TTLL5: variants seen among roughly 807,000 people sequenced by gnomAD.
TTLL5 encodes tubulin polyglutamylase TTLL5.
In TTLL5, 132 loss-of-function variants were observed where a neutral mutation model predicts 168.4. The ratio of observed to expected loss-of-function variants is 0.78; its 90% CI spans 0.68 to 0.91. The LOEUF (loss-of-function observed/expected upper bound fraction) is 0.91. TTLL5 is among the 40% of genes least tolerant of loss of function. The pLI is 0.00. For synonymous variants in TTLL5, 546 were observed against 558.6 expected, an observed-to-expected ratio of 0.98 and a Z score of 0.32; for missense variants, 1,545 against 1,581.5, an observed-to-expected ratio of 0.98 and a Z score of 0.39.
intron 29 of TTLL5, among the ~76,000 whole-genome samples, chr14:75,878,281 T>C (rs1336729463): frequency 6.6e-6 from 1 of 152,216 alleles, no homozygotes; most frequent in Admixed American, 6.5e-5. Context: ...AGGGTTTTTT[T>C]CCCACATAGT....
rs563183829 is a variant in TTLL5, at chr14:75,745,222, C to T, written c.1395+14C>T. Reference sequence around the variant, plus strand: ...TCAATGGAGGAGGTAAAGATAAGTTCATTTTAGGCTTTTGTGGGTTAACAC... The same window carrying T: ...TCAATGGAGGAGGTAAAGATAAGTTTATTTTAGGCTTTTGTGGGTTAACAC... On this transcript the variant is annotated intron_variant, in intron 16 of 31. Transcript: ENST00000298832. 1.9e-6 allele frequency: 3 copies of T among 1,612,014 alleles called. No homozygotes were observed. The African/African-American group carries it at 4.0e-5, about 22-fold the overall frequency.
In TTLL5 at chr14:75,681,566, A is replaced by C; in HGVS notation, c.203A>C (p.Lys68Thr). ...TTAGAACGTTATCATTTGTCTTATA[A>C]GATTGTACGAACGGACAGTCGCCTA... The part of the protein sequence containing the change: ...VIGERYHLSY[K>T]IVRTDSRLVR... Residue 68 changes from lysine to threonine, a missense_variant, in exon 4 of 32, where the codon AAG (lysine) becomes ACG (threonine). Coordinates refer to ENST00000298832, the MANE Select transcript of TTLL5 (RefSeq NM_015072.5). 6.2e-7 allele frequency: 1 copy of C among 1,613,420 alleles called. No homozygotes were observed. The highest frequency in any genetic ancestry group is 2.2e-5 in the East Asian group (1 of 44,874).
At chr14:75,699,416 A>ACGCT in intron 7 of TTLL5, 146 bp downstream of exon 7, 1 of 746,458 alleles carries the variant, frequency 1.3e-6, no homozygotes, top group Non-Finnish European at 2.2e-6. Flanking sequence ...AAGCGTAGGT[A>ACGCT]TAACTTGACT....
At position 75,663,096 on chromosome 14, in the gene TTLL5, A is replaced by G. The variant is rs761635004; in HGVS notation, c.-54A>G. On this transcript the variant is annotated 5_prime_UTR_variant, in exon 2 of 32. Coordinates refer to ENST00000298832, the MANE Select transcript of TTLL5 (RefSeq NM_015072.5). Reference sequence around the variant, plus strand: ...AATTGCTTGATCCAGTGAATCTGCTAGGAAAGGTCTCTGAGGCCCCCGTCT... The same window carrying G: ...AATTGCTTGATCCAGTGAATCTGCTGGGAAAGGTCTCTGAGGCCCCCGTCT... The G allele has an allele frequency of 7.1e-6, 11 of 1,542,600 alleles. No homozygotes were observed. The highest frequency in any genetic ancestry group is 9.8e-6 in the Non-Finnish European group (11 of 1,119,962).
chr14:75,949,420 GTATA>G (rs1045146654), intron 31 of TTLL5, among the ~76,000 whole-genome samples: 1 of 135,422 alleles, frequency 7.4e-6, no homozygotes, highest in Non-Finnish European at 1.6e-5. Flanking sequence ...GTTTTATAGA[GTATA>G]TATATATTCT....
chr14:75,914,538 T>C (rs1194351420), intron 31 of TTLL5, among the ~76,000 whole-genome samples: 1 of 152,034 alleles, frequency 6.6e-6, no homozygotes, highest in Admixed American at 6.6e-5. Context: ...TCCTTATAAA[T>C]TACCTGGTAT....
chr14:75,843,107 T>C (rs1034438467), intron 28 of TTLL5, among the ~76,000 whole-genome samples: 12 of 152,232 alleles, frequency 7.9e-5, no homozygotes, highest in Non-Finnish European at 1.6e-4. Flanking sequence ...CTTGCTGTCC[T>C]GAGAGGAACT....
At chr14:75,831,909 A>G (rs1895591814) in intron 28 of TTLL5, among the ~76,000 whole-genome samples, 2 of 152,174 alleles carry the variant, frequency 1.3e-5, no homozygotes, top group Non-Finnish European at 2.9e-5. Flanking sequence ...CTGATATGAA[A>G]TAGCCACTTT....
intron 4 of TTLL5, among the ~76,000 whole-genome samples, chr14:75,682,713 C>G (rs1315926872): frequency 1.3e-5 from 2 of 150,764 alleles, no homozygotes; most frequent in Non-Finnish European, 2.9e-5. Context: ...TGATAAAAGT[C>G]TGGTTCCTAG....
intron 27 of TTLL5, among the ~76,000 whole-genome samples, chr14:75,807,216 G>A (rs943462886): frequency 6.6e-6 from 1 of 152,308 alleles, no homozygotes; most frequent in East Asian, 1.9e-4. Context: ...GGGAGGCCGA[G>A]GTGGGTGGAT....
intron 27 of TTLL5, among the ~76,000 whole-genome samples, chr14:75,810,843 A>T (rs536445156): frequency 2.2e-4 from 33 of 152,228 alleles, no homozygotes; most frequent in Non-Finnish European, 4.3e-4. Flanking sequence ...AAGGCACAAC[A>T]TCTGTATGTC....
At chr14:75,764,351 T>C (rs1890833751) in intron 18 of TTLL5, among the ~76,000 whole-genome samples, 1 of 152,224 alleles carries the variant, frequency 6.6e-6, no homozygotes, top group South Asian at 2.1e-4. Context: ...TGCAGTAAAG[T>C]AATAATCAGT....
At chr14:75,945,006 C>G (rs2034723763) in intron 31 of TTLL5, among the ~76,000 whole-genome samples, 1 of 151,958 alleles carries the variant, frequency 6.6e-6, no homozygotes, top group Non-Finnish European at 1.5e-5. Context: ...ACCACTGCAT[C>G]TGCATATGTG....
chr14:75,798,893 A>G (rs182716844), intron 27 of TTLL5, among the ~76,000 whole-genome samples: 2 of 152,270 alleles, frequency 1.3e-5, no homozygotes, highest in African/African-American at 2.4e-5. Flanking sequence ...CTTGTGGTCT[A>G]TCTTGGAGAA....
At chr14:75,927,813 G>T (rs1320716934) in intron 31 of TTLL5, among the ~76,000 whole-genome samples, 4 of 152,180 alleles carry the variant, frequency 2.6e-5, no homozygotes, top group Admixed American at 2.6e-4. Context: ...GAGCAAGGAG[G>T]ACCTTGACTA....
intron 31 of TTLL5, among the ~76,000 whole-genome samples, chr14:75,918,740 C>T (rs1255339236): frequency 6.6e-6 from 1 of 152,112 alleles, no homozygotes; most frequent in Non-Finnish European, 1.5e-5. Flanking sequence ...TATCCTTCAG[C>T]TGAATAATGA....
intron 3 of TTLL5, among the ~76,000 whole-genome samples, chr14:75,673,805 C>T (rs1883932186): frequency 6.6e-6 from 1 of 152,164 alleles, no homozygotes; most frequent in South Asian, 2.1e-4. Flanking sequence ...CCTTCCTCCC[C>T]AAGGATCCTT....
At chr14:75,699,855 T>A (rs1297361982) in intron 7 of TTLL5, among the ~76,000 whole-genome samples, 1 of 152,194 alleles carries the variant, frequency 6.6e-6, no homozygotes, top group Non-Finnish European at 1.5e-5. Context: ...ACATGGTAAA[T>A]AAAATCCCTA....
intron 12 of TTLL5, among the ~76,000 whole-genome samples, chr14:75,726,445 A>G (rs949218414): frequency 2.0e-5 from 3 of 152,094 alleles, no homozygotes; most frequent in Admixed American, 1.3e-4. Context: ...AGTATTTCCT[A>G]TGTGCTAGTT....
Sources: gnomAD v4.1 joint callset for allele counts (sites outside exome capture counted in the v4.1 genomes callset) on GRCh38, gnomAD v4.1.1 for gene constraint, MANE v1.5 for transcripts, NCBI Gene and HGNC (gene_info 2026-07-23, HGNC 2026-07-21) for gene names.